PDIA5: variants seen among roughly 807,000 people sequenced by gnomAD.
The protein encoded by PDIA5 is protein disulfide-isomerase A5.
PDIA5 carries 58 observed loss-of-function variants against 77.6 expected under a neutral mutation model. The ratio of observed to expected loss-of-function variants is 0.75; its 90% CI spans 0.61 to 0.93. The LOEUF (loss-of-function observed/expected upper bound fraction) is 0.93, where lower values mean the gene tolerates loss of function less well. PDIA5 is among the 40% of genes least tolerant of loss of function. The pLI is 0.00. For missense variants in PDIA5, 630 were observed against 647.7 expected, an observed-to-expected ratio of 0.97 and a Z score of 0.30; for synonymous variants, 250 against 252.1, an observed-to-expected ratio of 0.99 and a Z score of 0.08.
Position 123,081,678 on chromosome 3 carries a change from G to C in PDIA5, c.43-7490G>C, listed in dbSNP as rs1438747469. Among the ~76,000 whole-genome samples the C allele has an allele frequency of 5.9e-5, 9 of 152,144 alleles. No homozygotes were observed. The East Asian group carries it at 1.5e-3, about 26-fold the overall frequency. On this transcript the variant is annotated intron_variant, in intron 1 of 16. Transcript: ENST00000316218. The stretch of plus-strand genomic sequence containing the variant: ...CTCAATGTTAAACTTCTGTTCCCAA[G>C]TCTTCCTCCGTTAGCAAGCTGCTTT...
chr3:123,153,433 A>G (rs549345390), intron 14 of PDIA5, among the ~76,000 whole-genome samples: 1 of 152,274 alleles, frequency 6.6e-6, no homozygotes, highest in East Asian at 1.9e-4. Flanking sequence ...ATAGTGTGAC[A>G]TTTTCATGAA....
chr3:123,138,763 C>T (rs762689799), intron 11 of PDIA5, among the ~76,000 whole-genome samples: 5 of 152,058 alleles, frequency 3.3e-5, no homozygotes, highest in Admixed American at 6.5e-5. Context: ...CCTCCACGCC[C>T]GTATTTCTGC....
Position 123,145,529 on chromosome 3 carries a change from C to T in PDIA5, c.918C>T (p.Gly306=), listed in dbSNP as rs951423227. The change falls in exon 12 of 17, where the codon GGC becomes GGT. Residue 306 remains glycine, a synonymous_variant. Transcript: ENST00000316218. ...VLVMFHAPWC[G]HCKKMKPEFE... ...CTTGATCTCTCCCCACAGGGTGTGG[C>T]CACTGTAAGAAAATGAAGCCGGAGT... The T allele has an allele frequency of 9.9e-6, 16 of 1,613,502 alleles. No homozygotes were observed. In the African/African-American group the frequency reaches 1.3e-4, roughly 13 times the overall value.
intron 1 of PDIA5, among the ~76,000 whole-genome samples, chr3:123,081,807 C>T (rs1934013209): frequency 6.6e-6 from 1 of 152,210 alleles, no homozygotes; most frequent in Non-Finnish European, 1.5e-5. Context: ...CTGGCACGCG[C>T]CCCAGAGATG....
At chr3:123,121,222 G>A (rs189780849) in intron 8 of PDIA5, among the ~76,000 whole-genome samples, 59 of 152,288 alleles carry the variant, frequency 3.9e-4, no homozygotes, top group African/African-American at 1.3e-3. Context: ...ATCCCGGGAC[G>A]TCTGTTGAAA....
At chr3:123,128,551 G>T (rs1212974126) in intron 10 of PDIA5, among the ~76,000 whole-genome samples, 1 of 151,736 alleles carries the variant, frequency 6.6e-6, no homozygotes, top group Non-Finnish European at 1.5e-5. Flanking sequence ...CTGTCACCCA[G>T]GCCAGAGTGC....
intron 15 of PDIA5, 122 bp downstream of exon 15, chr3:123,155,163 CT>C (rs1203035022): frequency 2.8e-6 from 2 of 724,544 alleles, no homozygotes; most frequent in East Asian, 2.5e-5. Context: ...CAGGAAATTC[CT>C]TGGGAACCAG....
chr3:123,097,814 G>T (rs530243116), intron 3 of PDIA5, among the ~76,000 whole-genome samples: 55 of 152,258 alleles, frequency 3.6e-4, no homozygotes, highest in African/African-American at 1.3e-3. Flanking sequence ...GACCAGGGCT[G>T]GTGGGAGGAA....
intron 8 of PDIA5, 101 bp from the exon 9 acceptor site, chr3:123,123,965 A>G (rs1408171579): frequency 2.0e-5 from 16 of 780,968 alleles, no homozygotes; most frequent in Non-Finnish European, 3.4e-5. Flanking sequence ...GCTTTGTCCC[A>G]TATGTCTTTC....
chr3:123,153,924 G>A (rs1157997764), intron 14 of PDIA5, among the ~76,000 whole-genome samples: 14 of 152,222 alleles, frequency 9.2e-5, no homozygotes, highest in East Asian at 3.8e-4. Context: ...GCTGGCTGAC[G>A]TAGAGGTGTG....
intron 3 of PDIA5, among the ~76,000 whole-genome samples, chr3:123,101,607 C>T (rs1481174643): frequency 2.0e-5 from 3 of 152,164 alleles, no homozygotes; most frequent in Non-Finnish European, 4.4e-5. Flanking sequence ...ACCTTGGTCA[C>T]GTAGTATATA....
At chr3:123,093,554 C>T (rs1303723322) in intron 3 of PDIA5, among the ~76,000 whole-genome samples, 2 of 152,150 alleles carry the variant, frequency 1.3e-5, no homozygotes, top group African/African-American at 4.8e-5. Flanking sequence ...TTGTAGGTGG[C>T]AGAAATGGGC....
chr3:123,112,259 T>A (rs1934880580), intron 7 of PDIA5, among the ~76,000 whole-genome samples: 1 of 152,080 alleles, frequency 6.6e-6, no homozygotes, highest in Non-Finnish European at 1.5e-5. Flanking sequence ...ACAGAGGGGT[T>A]GTATATGATG....
chr3:123,109,021 G>C (rs1014227822), intron 6 of PDIA5, among the ~76,000 whole-genome samples: 2 of 152,174 alleles, frequency 1.3e-5, no homozygotes, highest in African/African-American at 4.8e-5. Flanking sequence ...AGCTTCTCTG[G>C]AAAGTGATTG....
chr3:123,101,268 G>C lies in PDIA5; in HGVS notation c.258-1143G>C, dbSNP rs573683628. ...AACCCAATTGCTCAGGTATCCCCAG[G>C]GTTTCTAATTTAGTAGGTCTGGGAT... is the stretch of plus-strand genomic sequence containing the variant. On this transcript the variant is annotated intron_variant, in intron 3 of 16. Transcript: ENST00000316218. 1.2e-4 allele frequency among the ~76,000 whole-genome samples: 19 copies of C among 152,244 alleles called. 1 individual carries two copies. The highest frequency in any genetic ancestry group is 3.9e-4 in the East Asian group (2 of 5,178).
chr3:123,141,349 G>A (rs1004830201), intron 11 of PDIA5, among the ~76,000 whole-genome samples: 9 of 152,168 alleles, frequency 5.9e-5, no homozygotes, highest in Non-Finnish European at 8.8e-5. Context: ...GCCACCCAGG[G>A]CCTCATGCCT....
intron 8 of PDIA5, among the ~76,000 whole-genome samples, chr3:123,117,099 G>A (rs1393161400): frequency 6.6e-6 from 1 of 151,908 alleles, no homozygotes; most frequent in Non-Finnish European, 1.5e-5. Context: ...TGGTACCTCT[G>A]TGTTCCCCCA....
intron 11 of PDIA5, among the ~76,000 whole-genome samples, chr3:123,139,496 A>G (rs1368611402): frequency 6.6e-6 from 1 of 152,228 alleles, no homozygotes; most frequent in Non-Finnish European, 1.5e-5. Flanking sequence ...CTAGAATTGA[A>G]AACCTTAACA....
At chr3:123,085,462 G>T (rs1427159143) in intron 1 of PDIA5, among the ~76,000 whole-genome samples, 1 of 152,190 alleles carries the variant, frequency 6.6e-6, no homozygotes, top group African/African-American at 2.4e-5. Context: ...GACTCCAAAT[G>T]CTGGGTGAGG....
Sources: allele counts gnomAD v4.1 joint callset (sites outside exome capture counted in the v4.1 genomes callset), GRCh38; gene constraint gnomAD v4.1.1; transcripts MANE v1.5; gene names NCBI Gene and HGNC (gene_info 2026-07-23, HGNC 2026-07-21).